SPATC1: variants seen among roughly 807,000 people sequenced by gnomAD.
SPATC1 encodes the protein spermatogenesis and centriole associated 1, also known as speriolin.
SPATC1 carries 35 observed loss-of-function variants against 36.5 expected under a neutral mutation model. The ratio of observed to expected loss-of-function variants is 0.96; its 90% confidence interval spans 0.73 to 1.27. The LOEUF is 1.27. Ranked by LOEUF, SPATC1 falls within the 50% of genes most tolerant of loss-of-function variation. The pLI is 0.00. For synonymous variants in SPATC1, 361 were observed against 353.6 expected (o/e 1.02, Z -0.24); for missense variants, 779 against 796.0 (o/e 0.98, Z 0.26).
chr8:144,042,824 G>C (rs1416477405), intron 4 of SPATC1, among the ~76,000 whole-genome samples: 4 of 151,894 alleles, frequency 2.6e-5, no homozygotes, highest in African/African-American at 7.3e-5. Flanking sequence ...CTGTGTGCGA[G>C]AGGACTTCTT....
chr8:144,043,099 T>C (rs1251300733), intron 4 of SPATC1, among the ~76,000 whole-genome samples: 1 of 151,176 alleles, frequency 6.6e-6, no homozygotes, highest in African/African-American at 2.4e-5. Context: ...TTCAAGCAAT[T>C]CTCCTGCCTC....
chr8:144,034,469 T>C (rs1834859067), intron 1 of SPATC1, among the ~76,000 whole-genome samples: 1 of 151,612 alleles, frequency 6.6e-6, no homozygotes, highest in Admixed American at 6.6e-5. Flanking sequence ...TACATACTCA[T>C]ATTGTGAAAA....
At chr8:144,044,344 C>T (rs189490788) in intron 4 of SPATC1, among the ~76,000 whole-genome samples, 57 of 151,178 alleles carry the variant, frequency 3.8e-4, no homozygotes, top group African/African-American at 1.2e-3. Context: ...CTCTGTCGCC[C>T]GGGCTGGAGT....
intron 1 of SPATC1, among the ~76,000 whole-genome samples, chr8:144,018,011 A>G (rs1834427554): frequency 6.6e-6 from 1 of 152,194 alleles, no homozygotes; most frequent in East Asian, 1.9e-4. Context: ...AAGCTGAGGT[A>G]GGGGGCGAGG....
At chr8:144,031,679 T>G (rs1475933147) in intron 1 of SPATC1, among the ~76,000 whole-genome samples, 2 of 151,566 alleles carry the variant, frequency 1.3e-5, no homozygotes, top group African/African-American at 4.8e-5. Context: ...TTTCAGACAT[T>G]ATTTCTTCAA....
intron 1 of SPATC1, among the ~76,000 whole-genome samples, chr8:144,028,304 C>G (rs902453968): frequency 2.0e-5 from 3 of 151,962 alleles, no homozygotes; most frequent in Non-Finnish European, 4.4e-5. Flanking sequence ...TGCAACCTAT[C>G]CATCTGACAA....
chr8:144,043,915 G>C (rs1302791224), intron 4 of SPATC1, among the ~76,000 whole-genome samples: 4 of 152,148 alleles, frequency 2.6e-5, no homozygotes, highest in African/African-American at 9.7e-5. Context: ...TTGGAGGACG[G>C]TGTGGACACG....
At chr8:144,044,304 ATT>A (rs72275831) in intron 4 of SPATC1, among the ~76,000 whole-genome samples, 2,403 of 141,644 alleles carry the variant, frequency 0.017, 62 homozygotes, top group African/African-American at 0.059. Flanking sequence ...CCTTGAAGGA[ATT>A]TTTTTTTTTT....
intron 4 of SPATC1, 141 bp downstream of exon 4, chr8:144,041,512 G>A (rs1554756091): frequency 2.8e-5 from 31 of 1,107,264 alleles, no homozygotes; most frequent in Non-Finnish European, 3.6e-5. Flanking sequence ...CAGTGCCAAC[G>A]GCCTGCAGGT....
At chr8:144,035,547 TC>T in intron 1 of SPATC1, among the ~76,000 whole-genome samples, 1 of 152,342 alleles carries the variant, frequency 6.6e-6, no homozygotes, top group South Asian at 2.1e-4. Context: ...TGTGAATTGC[TC>T]CCTCAGTTAC....
intron 1 of SPATC1, among the ~76,000 whole-genome samples, chr8:144,035,752 C>T (rs1408748642): frequency 6.6e-6 from 1 of 152,256 alleles, no homozygotes; most frequent in African/African-American, 2.4e-5. Flanking sequence ...TGTCTTCTCA[C>T]CTGACCTGGC....
At chr8:144,022,601 T>C (rs1834558817) in intron 1 of SPATC1, among the ~76,000 whole-genome samples, 2 of 126,774 alleles carry the variant, frequency 1.6e-5, no homozygotes, top group Admixed American at 7.7e-5. Context: ...AGGAACCTCT[T>C]CCCTGAGGAG....
At position 144,045,158 on chromosome 8, in the gene SPATC1, C is replaced by T. The variant is rs1163012210; in HGVS notation, c.1447-1469C>T. ...AGTCCCAGTGTGATGCAGAAGCAGC[C>T]GTTGAGCACGGCTGTCCACGGGCCC... On this transcript the variant is annotated intron_variant, in intron 4 of 4. Transcript: ENST00000377470. This position sits in a 1 kb window ranked among gnomAD's most constrained non-coding sequence, Gnocchi z 5.2. Among the ~76,000 whole-genome samples the T allele has an allele frequency of 1.3e-5, 2 of 152,234 alleles. No homozygotes were observed. The highest frequency in any genetic ancestry group is 2.4e-5 in the African/African-American group (1 of 41,458).
At chr8:144,039,434 G>A (rs1249573318) in intron 1 of SPATC1, among the ~76,000 whole-genome samples, 3 of 152,244 alleles carry the variant, frequency 2.0e-5, no homozygotes, top group African/African-American at 7.2e-5. Context: ...ACCCCCTGAG[G>A]AGCCCCCACC....
chr8:144,033,391 C>CT (rs1834836437), intron 1 of SPATC1, among the ~76,000 whole-genome samples: 1 of 151,224 alleles, frequency 6.6e-6, no homozygotes, highest in African/African-American at 2.4e-5. Context: ...AAGAGCGAGA[C>CT]TCCGTCTCAA....
At chr8:144,031,745 A>T (rs1834802221) in intron 1 of SPATC1, among the ~76,000 whole-genome samples, 2 of 134,964 alleles carry the variant, frequency 1.5e-5, no homozygotes, top group African/African-American at 2.8e-5. Flanking sequence ...TTTTCTGAAG[A>T]CAGGGTCTCA....
At chr8:144,028,609 T>A (rs1160289831) in intron 1 of SPATC1, among the ~76,000 whole-genome samples, 1 of 152,220 alleles carries the variant, frequency 6.6e-6, no homozygotes, top group Non-Finnish European at 1.5e-5. Context: ...TTGGTGGGAA[T>A]GTAAACTAGT....
intron 1 of SPATC1, among the ~76,000 whole-genome samples, chr8:144,020,759 C>T (rs1334211664): frequency 3.0e-4 from 42 of 140,290 alleles, no homozygotes; most frequent in Admixed American, 7.9e-4. Context: ...GACCTGATGC[C>T]CTTAGGACCA....
chr8:144,042,311 A>ATATTTTTTT (rs1412021347), intron 4 of SPATC1, among the ~76,000 whole-genome samples: 40 of 23,884 alleles, frequency 1.7e-3, no homozygotes, highest in Non-Finnish European at 2.3e-3. Context: ...ATATATATAT[A>ATATTTTTTT]TTTTTTTTTT....
Sources: gnomAD v4.1 joint callset for allele counts (sites outside exome capture counted in the v4.1 genomes callset) on GRCh38, gnomAD v4.1.1 for gene constraint, Gnocchi (gnomAD v3.1) non-coding constraint, MANE v1.5 for transcripts, NCBI Gene and HGNC (gene_info 2026-07-23, HGNC 2026-07-21) for gene names.